The following PRH1 variants were observed in gnomAD, a reference collection of about 807,000 sequenced individuals.
PRH1 encodes proline rich protein HaeIII subfamily 1.
A neutral mutation model predicts 7.9 loss-of-function variants in PRH1; 7 were observed. That is an observed-to-expected ratio of 0.89 (90% CI 0.50 to 1.67). PRH1 has a LOEUF of 1.67. Ranked by LOEUF, PRH1 falls within the 40% of genes most tolerant of loss-of-function variation. The probability of loss-of-function intolerance (pLI) is 0.00; values close to 1 mark genes in which losing one functional copy is unlikely to be tolerated. For missense variants in PRH1, 109 were observed against 223.6 expected, an observed-to-expected ratio of 0.49 and a Z score of 3.27; for synonymous variants, 45 against 80.8, an observed-to-expected ratio of 0.56 and a Z score of 2.38.
chr12:11,167,198 T>C (rs1005287659), intron 1 of PRH1, among the ~76,000 whole-genome samples: 1 of 152,238 alleles, frequency 6.6e-6, no homozygotes, highest in Non-Finnish European at 1.5e-5. Flanking sequence ...CTAGGTTTCC[T>C]GTCTGTCCTC....
intron 1 of PRH1, among the ~76,000 whole-genome samples, chr12:11,155,133 C>T (rs1245948942): frequency 6.6e-6 from 1 of 152,170 alleles, no homozygotes; most frequent in Admixed American, 6.5e-5. Context: ...GGCAGTAACA[C>T]TCGATCTGTA....
chr12:10,905,696 G>A (rs988621368), intron 2 of PRH1, among the ~76,000 whole-genome samples: 21 of 151,666 alleles, frequency 1.4e-4, no homozygotes, highest in Admixed American at 1.2e-3. Flanking sequence ...GACCAAAAAA[G>A]TGTGGTATAT....
chr12:10,882,067 A>G (rs151046359), intron 3 of PRH1, 150 bp downstream of exon 3: 2 of 1,450,330 alleles, frequency 1.4e-6, no homozygotes, highest in African/African-American at 1.4e-5. Flanking sequence ...GGGTCTTGAT[A>G]CTCTATACAA....
intron 2 of PRH1, chr12:10,930,446 T>C: frequency 6.2e-6 from 9 of 1,460,590 alleles, no homozygotes; most frequent in Non-Finnish European, 8.4e-6. Context: ...TCTCCCAACC[T>C]TGATTCTGGG....
intron 1 of PRH1, among the ~76,000 whole-genome samples, chr12:11,088,001 C>G (rs1944764295): frequency 8.2e-6 from 1 of 121,966 alleles, no homozygotes. Flanking sequence ...CTTCTGTTCT[C>G]AGTTTAATTT....
Position 10,955,937 on chromosome 12 carries a change from AG to A in PRH1, c.-59+17717del, listed in dbSNP as rs555950118. Among the ~76,000 whole-genome samples the A allele has an allele frequency of 1.7e-3, 257 of 152,236 alleles. 2 individuals carry two copies. Among genetic ancestry groups the A allele is most frequent in the African/African-American group, 5.8e-3 (242 of 41,558 alleles). ...GTTCCAAATTGAAAGAGTAATAAAA[AG>A]CCTACCAGACAAACAAACAAAAAAA... On this transcript the variant is annotated intron_variant, in intron 2 of 3. Transcript: ENST00000539853.
intron 1 of PRH1, among the ~76,000 whole-genome samples, chr12:11,071,602 G>C (rs77713749): frequency 6.6e-6 from 1 of 151,700 alleles, no homozygotes; most frequent in Non-Finnish European, 1.5e-5. Context: ...GAAGGTGACA[G>C]AGTTGATTAC....
intron 2 of PRH1, among the ~76,000 whole-genome samples, chr12:10,912,346 A>G (rs1327160778): frequency 6.6e-6 from 1 of 152,034 alleles, no homozygotes; most frequent in Non-Finnish European, 1.5e-5. Context: ...GGCAGTTACG[A>G]CTTTCTAGAT....
intron 1 of PRH1, among the ~76,000 whole-genome samples, chr12:11,059,429 A>C (rs1448615899): frequency 6.6e-6 from 1 of 150,468 alleles, no homozygotes; most frequent in Admixed American, 6.7e-5. Context: ...CAGGTAATAC[A>C]TAAAAAACAT....
At position 11,166,022 on chromosome 12, in the gene PRH1, G is replaced by A. The variant is rs552482524; in HGVS notation, n.39+5400C>T. ...CTACGTACCTTTGCCTCAGACGTGG[G>A]ACTTTTTTAATGCTCCTACCACTCC... is the stretch of plus-strand genomic sequence containing the variant. On this transcript the variant is annotated intron_variant and non_coding_transcript_variant, in intron 1 of 1. Transcript: ENST00000541175. 152 of 152,312 alleles carry A rather than the reference G, an allele frequency of 1.0e-3. 1 individual carries two copies. The highest frequency in any genetic ancestry group is 3.6e-3 in the African/African-American group (148 of 41,572). The allele number at this position is 152,312 out of a possible 1,614,324, so 9.4% of individuals were successfully genotyped here.
intron 2 of PRH1, among the ~76,000 whole-genome samples, chr12:10,913,963 C>G (rs929417131): frequency 1.3e-5 from 2 of 152,170 alleles, no homozygotes; most frequent in African/African-American, 4.8e-5. Context: ...GTTAGTACAG[C>G]ATAGACTAAG....
intron 2 of PRH1, among the ~76,000 whole-genome samples, chr12:10,927,168 T>C (rs3851581): frequency 0.51 from 77,383 of 152,080 alleles, 21,474 homozygotes; most frequent in East Asian, 0.72. Context: ...TTCCTGTTCT[T>C]TTCCTGTACT....
intron 1 of PRH1, among the ~76,000 whole-genome samples, chr12:11,065,994 C>A (rs1214180250): frequency 6.6e-6 from 1 of 152,198 alleles, no homozygotes. Context: ...TCAACCACAG[C>A]TCCACCTTTC....
intron 2 of PRH1, chr12:10,929,438 G>C: frequency 6.9e-7 from 1 of 1,439,720 alleles, no homozygotes. Context: ...TGAGAAAACA[G>C]ATAGGACTGA....
intron 2 of PRH1, among the ~76,000 whole-genome samples, chr12:10,898,866 G>T (rs1449004218): frequency 6.6e-6 from 1 of 152,222 alleles, no homozygotes; most frequent in Non-Finnish European, 1.5e-5. Context: ...TGTACCTAGT[G>T]TGTCTGAGGA....
At position 11,033,984 on chromosome 12, in the gene PRH1, G is replaced by A. The variant is rs567931983; in HGVS notation, c.-126+13036C>T. ...TTTCCAAGTCCCTAAACCCTTCTTC[G>A]CATCTCCTGATATAAGCAATATCCA... is the stretch of plus-strand genomic sequence containing the variant. On this transcript the variant is annotated intron_variant, in intron 1 of 3. Coordinates refer to the PRH1 transcript ENST00000539853. Among the ~76,000 whole-genome samples, 6 of 149,864 alleles carry A rather than the reference G, an allele frequency of 4.0e-5. No homozygotes were observed. The South Asian group carries it at 6.4e-4, about 16-fold the overall frequency.
chr12:10,979,916 G>T (rs1260324447), intron 1 of PRH1, among the ~76,000 whole-genome samples: 1 of 152,180 alleles, frequency 6.6e-6, no homozygotes, highest in Non-Finnish European at 1.5e-5. Context: ...AGGAGAAACA[G>T]ATTTGGGGAT....
chr12:10,966,014 C>T (rs1565505679), intron 2 of PRH1, among the ~76,000 whole-genome samples: 1 of 152,150 alleles, frequency 6.6e-6, no homozygotes, highest in East Asian at 1.9e-4. Flanking sequence ...CACACATAGA[C>T]AGACACACAC....
At position 11,066,051 on chromosome 12, in the gene PRH1, G is replaced by A. The variant is rs1007828595; in HGVS notation, n.124-18863C>T. On this transcript the variant is annotated intron_variant and non_coding_transcript_variant, in intron 1 of 4. Coordinates refer to the PRH1 transcript ENST00000541977. ...CTCTGTTTTTATTAGCAGAAATCAAGACTTCTTCATTTATAACAATCTTTA... is the reference window on the plus strand; with the variant it reads ...CTCTGTTTTTATTAGCAGAAATCAAAACTTCTTCATTTATAACAATCTTTA... Among the ~76,000 whole-genome samples, 9 of 152,248 alleles carry A rather than the reference G, an allele frequency of 5.9e-5. No homozygotes were observed. In the South Asian group the frequency reaches 1.2e-3, roughly 21 times the overall value.
Sources: gnomAD v4.1 joint callset for allele counts (sites outside exome capture counted in the v4.1 genomes callset) on GRCh38, gnomAD v4.1.1 for gene constraint, MANE v1.5 for transcripts, NCBI Gene and HGNC (gene_info 2026-07-23, HGNC 2026-07-21) for gene names.